LAMA2: variants seen among roughly 807,000 people sequenced by gnomAD.
LAMA2 encodes laminin subunit alpha-2.
A neutral mutation model predicts 364.8 loss-of-function variants in LAMA2; 269 were observed. The observed-to-expected ratio is 0.74, with a 90% CI of 0.67 to 0.82. The LOEUF (loss-of-function observed/expected upper bound fraction) is 0.82, where lower values mean the gene tolerates loss of function less well. Ranked by LOEUF, LAMA2 falls within the 40% of genes least tolerant of loss-of-function variation. The pLI is 0.00. For missense variants in LAMA2, 3,807 were observed against 3,873.2 expected, an observed-to-expected ratio of 0.98 and a Z score of 0.45; for synonymous variants, 1,379 against 1,370.6, an observed-to-expected ratio of 1.01 and a Z score of -0.14.
At chr6:129,154,082 T>A (rs2114975523) in intron 7 of LAMA2, among the ~76,000 whole-genome samples, 1 of 152,258 alleles carries the variant, frequency 6.6e-6, no homozygotes, top group East Asian at 1.9e-4. Flanking sequence ...TCTGGATATG[T>A]TTGTGTGTGT....
At chr6:129,115,073 A>C (rs1256967114) in intron 4 of LAMA2, among the ~76,000 whole-genome samples, 1 of 151,958 alleles carries the variant, frequency 6.6e-6, no homozygotes, top group South Asian at 2.1e-4. Context: ...TATTTTTTTC[A>C]TTTCACCCTC....
chr6:129,443,733 T>C (rs138195835), intron 44 of LAMA2, among the ~76,000 whole-genome samples: 71 of 152,078 alleles, frequency 4.7e-4, no homozygotes, highest in African/African-American at 1.7e-3. Context: ...CTCTTAAACA[T>C]CCCACAGTTT....
At chr6:129,010,458 A>G (rs759665392) in intron 1 of LAMA2, among the ~76,000 whole-genome samples, 1 of 152,342 alleles carries the variant, frequency 6.6e-6, no homozygotes, top group Middle Eastern at 3.4e-3. Context: ...GAGGAAATCA[A>G]TTTTCACTAA....
intron 34 of LAMA2, among the ~76,000 whole-genome samples, chr6:129,370,595 G>A (rs1358983336): frequency 6.6e-6 from 1 of 152,190 alleles, no homozygotes; most frequent in Admixed American, 6.5e-5. Context: ...CATAAAGCCC[G>A]CCATCTTGTG....
chr6:129,362,780 G>T (rs1161528389), intron 32 of LAMA2, among the ~76,000 whole-genome samples: 3 of 152,102 alleles, frequency 2.0e-5, no homozygotes, highest in African/African-American at 7.2e-5. Flanking sequence ...GGGAGTTTCA[G>T]GTAACAGTAA....
chr6:129,470,132 G>A (rs2114818385), intron 51 of LAMA2, among the ~76,000 whole-genome samples: 1 of 151,886 alleles, frequency 6.6e-6, no homozygotes, highest in South Asian at 2.1e-4. Flanking sequence ...AGATATTAGA[G>A]GTATTTAGGA....
intron 1 of LAMA2, among the ~76,000 whole-genome samples, chr6:128,955,619 C>T (rs980875817): frequency 6.6e-6 from 1 of 151,880 alleles, no homozygotes. Flanking sequence ...TTTACCATTG[C>T]AGTTATGGGC....
chr6:129,425,379 C>T (rs1490335568), intron 40 of LAMA2, among the ~76,000 whole-genome samples: 1 of 151,996 alleles, frequency 6.6e-6, no homozygotes, highest in Non-Finnish European at 1.5e-5. Flanking sequence ...CCTCTTTTCT[C>T]TCTTACCAAT....
chr6:129,317,911 T>TC lies in LAMA2; in HGVS notation c.4058+1743dup, dbSNP rs748442989. Among the ~76,000 whole-genome samples, 409 of 152,030 alleles carry TC rather than the reference T, an allele frequency of 2.7e-3. 2 individuals carry two copies. The highest frequency in any genetic ancestry group is 4.8e-3 in the Non-Finnish European group (324 of 67,980). ...TGTGACACTTTGTCTTTTTTTTTTT[T>TC]CCCGCCCTATGTCTTTTTCTTTTGT... On this transcript the variant is annotated intron_variant, in intron 27 of 64. Transcript: ENST00000421865.
rs534133319 is a variant in LAMA2, at chr6:129,229,220, G to T, written c.1783-20892G>T. Among the ~76,000 whole-genome samples the T allele has an allele frequency of 8.5e-5, 13 of 152,276 alleles. 1 individual carries two copies. In the South Asian group the frequency reaches 2.7e-3, roughly 32 times the overall value. Reference sequence around the variant, plus strand: ...GATAAATGACAAGAAAAAAAGTAGAGCATGGAGGGCCTAGGAAGGATGATA... The same window carrying T: ...GATAAATGACAAGAAAAAAAGTAGATCATGGAGGGCCTAGGAAGGATGATA... On this transcript the variant is annotated intron_variant, in intron 12 of 64. Coordinates refer to ENST00000421865, the MANE Select transcript of LAMA2 (RefSeq NM_000426.4).
intron 3 of LAMA2, among the ~76,000 whole-genome samples, chr6:129,075,187 A>C (rs1377350361): frequency 2.0e-5 from 3 of 152,202 alleles, no homozygotes; most frequent in Non-Finnish European, 2.9e-5. Context: ...TGAGAATTAA[A>C]AACCAGAAAA....
chr6:129,093,879 C>A (rs1294078598), intron 3 of LAMA2, among the ~76,000 whole-genome samples: 1 of 152,154 alleles, frequency 6.6e-6, no homozygotes. Flanking sequence ...ATGAGATGTT[C>A]TCTTAGGTTC....
chr6:129,069,252 C>T (rs1246398848), intron 3 of LAMA2, among the ~76,000 whole-genome samples: 5 of 151,946 alleles, frequency 3.3e-5, no homozygotes, highest in Admixed American at 3.3e-4. Flanking sequence ...GGGCAGTTTT[C>T]ACAGCTGCCT....
intron 35 of LAMA2, among the ~76,000 whole-genome samples, chr6:129,386,130 A>G (rs1490105360): frequency 6.6e-6 from 1 of 151,782 alleles, no homozygotes; most frequent in Non-Finnish European, 1.5e-5. Flanking sequence ...TGATATTAGG[A>G]TTTTTAAAAA....
At chr6:129,377,225 C>G (rs17799606) in intron 34 of LAMA2, among the ~76,000 whole-genome samples, 24,131 of 151,768 alleles carry the variant, frequency 0.16, 2,289 homozygotes, top group Non-Finnish European at 0.21. Flanking sequence ...ATTTTATTGC[C>G]TATTGAATAT....
chr6:128,946,704 A>G (rs775158044), intron 1 of LAMA2, among the ~76,000 whole-genome samples: 1 of 152,222 alleles, frequency 6.6e-6, no homozygotes, highest in Non-Finnish European at 1.5e-5. Context: ...GGATTGGATG[A>G]TAATAGAAGT....
chr6:128,959,776 T>C (rs1342783177), intron 1 of LAMA2, among the ~76,000 whole-genome samples: 1 of 152,152 alleles, frequency 6.6e-6, no homozygotes, highest in Non-Finnish European at 1.5e-5. Flanking sequence ...AAATACACTA[T>C]ATAGTTTACT....
At position 129,499,721 on chromosome 6, in the gene LAMA2, G is replaced by GT. The variant is rs1554313591; in HGVS notation, c.8245-2930dup. 7.1e-4 allele frequency among the ~76,000 whole-genome samples: 108 copies of GT among 151,894 alleles called. 1 individual carries two copies. The highest frequency in any genetic ancestry group is 1.2e-3 in the Non-Finnish European group (80 of 67,930). ...ACTGGTGCTGCCCTGAACACATCATGTTTTTTTTCTTTTTGAGACAGGTTC... is the reference window on the plus strand; with the variant it reads ...ACTGGTGCTGCCCTGAACACATCATGTTTTTTTTTCTTTTTGAGACAGGTTC... On this transcript the variant is annotated intron_variant, in intron 58 of 64. Transcript: ENST00000421865.
intron 2 of LAMA2, among the ~76,000 whole-genome samples, chr6:129,056,631 A>G (rs183897283): frequency 3.6e-4 from 55 of 152,314 alleles, no homozygotes; most frequent in African/African-American, 1.2e-3. Flanking sequence ...CATAGTCTTC[A>G]TGTTTTCAGT....
Sources: allele counts gnomAD v4.1 joint callset (sites outside exome capture counted in the v4.1 genomes callset), GRCh38; gene constraint gnomAD v4.1.1; transcripts MANE v1.5; gene names NCBI Gene and HGNC (gene_info 2026-07-23, HGNC 2026-07-21).